Variants in SYNE4 observed in about 807,000 individuals in gnomAD.
SYNE4 encodes nesprin-4.
A neutral mutation model predicts 46.9 loss-of-function variants in SYNE4; 41 were observed. The observed-to-expected ratio is 0.87, with a 90% CI of 0.68 to 1.13. SYNE4 has a LOEUF of 1.13. Among genes scored for constraint, SYNE4 ranks in the 50% most tolerant of loss-of-function variants. The probability of loss-of-function intolerance (pLI) is 0.00; values close to 1 mark genes in which losing one functional copy is unlikely to be tolerated. For synonymous variants in SYNE4, 221 were observed against 219.5 expected, an observed-to-expected ratio of 1.01 and a Z score of -0.06; for missense variants, 492 against 514.8, an observed-to-expected ratio of 0.96 and a Z score of 0.43.
chr19:36,008,409 C>A, intron 1 of SYNE4, 42 bp from the exon 2 acceptor site: 1 of 1,564,754 alleles, frequency 6.4e-7, no homozygotes, highest in Admixed American at 1.8e-5. Flanking sequence ...CTCGACACCT[C>A]ACTTTTCAGC....
At chr19:36,007,388 G>T in intron 2 of SYNE4, 120 bp from the exon 3 acceptor site, 1 of 1,443,612 alleles carries the variant, frequency 6.9e-7, no homozygotes, top group Non-Finnish European at 9.1e-7. Flanking sequence ...TCCATCTCCG[G>T]GTCTGTCTGC....
At chr19:36,008,500 C>T in intron 1 of SYNE4, 54 bp downstream of exon 1, 3 of 1,611,320 alleles carry the variant, frequency 1.9e-6, no homozygotes, top group Non-Finnish European at 2.5e-6. Flanking sequence ...TCACATGGCC[C>T]CTGCCACCAC....
At chr19:36,007,040 GCA>G (rs762322676) in intron 3 of SYNE4, 83 bp downstream of exon 3, 121 of 1,550,398 alleles carry the variant, frequency 7.8e-5, no homozygotes, top group Non-Finnish European at 9.5e-5. Context: ...CCTGGAACAT[GCA>G]CTCAACCCAT....
intron 2 of SYNE4, among the ~76,000 whole-genome samples, 168 bp downstream of exon 2, chr19:36,008,049 G>A (rs1193793870): frequency 6.6e-6 from 1 of 151,656 alleles, no homozygotes; most frequent in African/African-American, 2.4e-5. Flanking sequence ...AAAGAAATAC[G>A]TCTCCCCAGT....
intron 2 of SYNE4, chr19:36,007,624 C>T (rs1851660445): frequency 2.0e-6 from 2 of 984,960 alleles, no homozygotes; most frequent in South Asian, 9.4e-5. Flanking sequence ...CATCTGTAAT[C>T]CCAGCACTTT....
At chr19:36,005,710 A>C in intron 5 of SYNE4, 1 of 382,146 alleles carries the variant, frequency 2.6e-6, no homozygotes, top group African/African-American at 2.0e-5. Flanking sequence ...TTGACAGGAG[A>C]GAGACCATAA....
rs1170737528 is a variant in SYNE4, at chr19:36,003,502, G to A, written c.1050C>T (p.Ser350=). The change falls in exon 8 of 8, where the codon TCC becomes TCT. Residue 350 remains serine (S), a synonymous_variant. Coordinates refer to ENST00000324444, the MANE Select transcript of SYNE4 (RefSeq NM_001039876.3). ...EGNPGAPDPA[S]RQPLTFLLIL... is the part of the protein sequence containing the mutation. The stretch of plus-strand genomic sequence containing the variant: ...TAAGGAGGAAGGTCAGAGGCTGCCT[G>A]GATGCAGGATCGGGGGCCCTGTGAA... The A allele has an allele frequency of 6.2e-7, 1 of 1,602,434 alleles. No homozygotes were observed. Among genetic ancestry groups the A allele is most frequent in the Admixed American group, 1.7e-5 (1 of 57,638 alleles).
intron 6 of SYNE4, among the ~76,000 whole-genome samples, chr19:36,005,065 A>C (rs1976801825): frequency 6.6e-6 from 1 of 151,238 alleles, no homozygotes; most frequent in African/African-American, 2.4e-5. Context: ...ACGGGGTTTC[A>C]CCATTTTGGC....
At chr19:36,007,029 G>A in intron 3 of SYNE4, 85 bp from the exon 4 acceptor site, 1 of 1,546,830 alleles carries the variant, frequency 6.5e-7, no homozygotes, top group South Asian at 1.2e-5. Flanking sequence ...CTATCCAAAG[G>A]CCTGGAACAT....
Position 36,008,258 on chromosome 19 carries a change from G to A in SYNE4, c.238C>T (p.Pro80Ser). Reference sequence around the variant, plus strand: ...CCAGCTGGGTCCTCGTAGGAAGAGGGTGTTGACCATCTCGGGGGGTGAGCG... The same window carrying A: ...CCAGCTGGGTCCTCGTAGGAAGAGGATGTTGACCATCTCGGGGGGTGAGCG... ...PAAHPPRWST[P>S]SSYEDPAGGK... The change falls in exon 2 of 8, where the codon CCC (proline) becomes TCC (serine). Residue 80 changes from proline (P) to serine (S), a missense_variant. Pro to Ser is a moderately conservative substitution (Grantham distance 74, BLOSUM62 -1). Coordinates refer to ENST00000324444, the MANE Select transcript of SYNE4 (RefSeq NM_001039876.3). 6.2e-7 allele frequency: 1 copy of A among 1,610,626 alleles called. No individual in the cohort carries two copies. Among genetic ancestry groups the A allele is most frequent in the Non-Finnish European group, 8.5e-7 (1 of 1,178,194 alleles).
At position 36,006,868 on chromosome 19, in the gene SYNE4, C is replaced by T. The variant is rs748255504; in HGVS notation, c.500G>A (p.Arg167Gln). ...GGCTGCCCAGGCCCTGGGCTCACTC[C>T]GCTGTGCCAGCCCCTCACCAAACGC... ...LLAFGEGLAQ[R>Q]SEPRAWAALE... The change falls in exon 4 of 8, where the codon CGG becomes CAG. Residue 167 changes from arginine to glutamine, a missense_variant. Arg to Gln is a conservative substitution (Grantham distance 43). Transcript: ENST00000324444. The T allele has an allele frequency of 5.4e-5, 85 of 1,575,418 alleles. No homozygotes were observed. The highest frequency in any genetic ancestry group is 1.7e-4 in the Admixed American group (9 of 52,042).
At chr19:36,004,698 T>C (rs1304762640) in intron 6 of SYNE4, among the ~76,000 whole-genome samples, 1 of 152,032 alleles carries the variant, frequency 6.6e-6, no homozygotes, top group Admixed American at 6.6e-5. Flanking sequence ...CCTGGGACTT[T>C]GGCAGCTGTC....
rs1421491618 is a variant in SYNE4 at position 36,006,498 on chromosome 19, C to T, written c.792G>A (p.Lys264=). ...DIGGLGPLGQ[K]TARTLGVPCE... is the part of the protein sequence containing the mutation. ...AGGGCACTCCTAGTGTCCGGGCTGT[C>T]TTTTGTCCCAAGGGCCCAAGGCCCC... The change falls in exon 5 of 8, where the codon AAG becomes AAA. Residue 264 remains lysine (K), a synonymous_variant. Coordinates refer to ENST00000324444, the MANE Select transcript of SYNE4 (RefSeq NM_001039876.3). The T allele has an allele frequency of 1.9e-6, 3 of 1,611,446 alleles. No individual in the cohort carries two copies. The highest frequency in any genetic ancestry group is 2.5e-6 in the Non-Finnish European group (3 of 1,178,978).
rs769162841 is a variant in SYNE4 at position 36,008,289 on chromosome 19, C to T, written c.207G>A (p.Glu69=). 7.5e-6 allele frequency: 12 copies of T among 1,596,372 alleles called. No homozygotes were observed. The highest frequency in any genetic ancestry group is 1.1e-5 in the South Asian group (1 of 88,172). The change falls in exon 2 of 8, where the codon GAG becomes GAA. Residue 69 remains glutamate, a synonymous_variant. Transcript: ENST00000324444. ...EHFQGGPRGN[E]PAAHPPRWST... ...ACCATCTCGGGGGGTGAGCGGCAGG[C>T]TCATTGCCCCTTGGCCCACCCTGGA...
At position 36,007,158 on chromosome 19, in the gene SYNE4, C is replaced by T. The variant is rs1234145148; in HGVS notation, c.390G>A (p.Trp130Ter). ...GCACCATCCCACTCTGGGCCAATGC[C>T]CAGTGCCCCAGGCCTTGCTCCAGGT... The part of the protein sequence containing the change: ...LQDLEQGLGH[W>*]ALAQSGMVQL... Residue 130 changes from tryptophan to a stop codon, truncating the protein, a stop_gained, in exon 3 of 8, where the codon TGG (tryptophan) becomes TGA (stop). Coordinates refer to ENST00000324444, the MANE Select transcript of SYNE4 (RefSeq NM_001039876.3). LOFTEE classifies it high-confidence loss of function. The T allele has an allele frequency of 6.3e-7, 1 of 1,594,108 alleles. No individual in the cohort carries two copies.
At chr19:36,008,424 C>A in intron 1 of SYNE4, 57 bp from the exon 2 acceptor site, 4 of 1,571,312 alleles carry the variant, frequency 2.5e-6, no homozygotes, top group South Asian at 1.2e-5. Flanking sequence ...TTCAGCCTAC[C>A]GTCACCCCAA....
rs200389249 is a variant in SYNE4, at chr19:36,008,234, C to T, written c.262G>A (p.Gly88Arg). ...CAGCTCACCTCACAGTGTTTGCCCC[C>T]AGCTGGGTCCTCGTAGGAAGAGGGT... is the stretch of plus-strand genomic sequence containing the variant. ...STPSSYEDPAGGKHCEHPISG... is the reference protein window; with the variant it reads ...STPSSYEDPARGKHCEHPISG... Residue 88 changes from glycine to arginine, a missense_variant, in exon 2 of 8, where the codon GGG becomes AGG. Physicochemically the swap from Gly to Arg is moderately radical, Grantham distance 125. Coordinates refer to ENST00000324444, the MANE Select transcript of SYNE4 (RefSeq NM_001039876.3). 45 of 1,611,006 alleles carry T rather than the reference C, an allele frequency of 2.8e-5. No homozygotes were observed. Among genetic ancestry groups the T allele is most frequent in the Non-Finnish European group, 3.8e-5 (45 of 1,178,560 alleles).
In SYNE4 at chr19:36,008,370, A is replaced by G; in HGVS notation, c.129-3T>C. The G allele has an allele frequency of 6.4e-7, 1 of 1,558,950 alleles. No individual in the cohort carries two copies. The highest frequency in any genetic ancestry group is 1.2e-5 in the South Asian group (1 of 82,232). On this transcript the variant is annotated splice_polypyrimidine_tract_variant and splice_region_variant and intron_variant, in intron 1 of 7. Coordinates refer to ENST00000324444, the MANE Select transcript of SYNE4 (RefSeq NM_001039876.3). Reference sequence around the variant, plus strand: ...CCAGGGTCTGGGCCTGCTCTGGGCTAGGAGGCAGGGGGCGGTGACTGGGTG... The same window carrying G: ...CCAGGGTCTGGGCCTGCTCTGGGCTGGGAGGCAGGGGGCGGTGACTGGGTG...
rs200630302 is a variant in SYNE4, at chr19:36,008,239, G to A, written c.257C>T (p.Pro86Leu). The A allele has an allele frequency of 1.8e-4, 288 of 1,611,082 alleles. 2 individuals carry two copies. In the African/African-American group the frequency reaches 3.6e-3, roughly 20 times the overall value. ...RWSTPSSYED[P>L]AGGKHCEHPI... ...CACCTCACAGTGTTTGCCCCCAGCT[G>A]GGTCCTCGTAGGAAGAGGGTGTTGA... Residue 86 changes from proline to leucine, a missense_variant, in exon 2 of 8, where the codon CCA becomes CTA. Transcript: ENST00000324444.
Sources: allele counts gnomAD v4.1 joint callset (sites outside exome capture counted in the v4.1 genomes callset), GRCh38; gene constraint gnomAD v4.1.1; transcripts MANE v1.5; gene names NCBI Gene and HGNC (gene_info 2026-07-23, HGNC 2026-07-21).